MGAT5: variants seen among roughly 807,000 people sequenced by gnomAD.
MGAT5 encodes alpha-1,6-mannosylglycoprotein 6-beta-N-acetylglucosaminyltransferase A.
MGAT5 carries 30 observed loss-of-function variants against 94.3 expected under a neutral mutation model. That is an observed-to-expected ratio of 0.32 (90% CI 0.24 to 0.43). MGAT5 has a LOEUF of 0.43. Among genes scored for constraint, MGAT5 ranks in the 20% least tolerant of loss-of-function variants. The pLI, the probability that MGAT5 is intolerant of heterozygous loss-of-function variation, is 1.00. For synonymous variants in MGAT5, 310 were observed against 322.9 expected, an observed-to-expected ratio of 0.96 and a Z score of 0.43; for missense variants, 691 against 905.5, an observed-to-expected ratio of 0.76 and a Z score of 3.04.
At chr2:134,166,971 T>C (rs1043369431) in intron 1 of MGAT5, among the ~76,000 whole-genome samples, 1 of 152,256 alleles carries the variant, frequency 6.6e-6, no homozygotes, top group Non-Finnish European at 1.5e-5. Context: ...TTGATCTCTA[T>C]TAACTACAAA....
chr2:134,165,442 A>G (rs1406228447), intron 1 of MGAT5, among the ~76,000 whole-genome samples: 1 of 152,126 alleles, frequency 6.6e-6, no homozygotes, highest in East Asian at 1.9e-4. Flanking sequence ...AGTTTTTTTT[A>G]GAGGAAGATG....
chr2:134,377,985 T>C (rs1553457063), intron 10 of MGAT5, among the ~76,000 whole-genome samples: 1 of 152,282 alleles, frequency 6.6e-6, no homozygotes, highest in East Asian at 1.9e-4. Flanking sequence ...CCAGCCCTGC[T>C]TAGAAGGCCT....
At chr2:134,346,780 T>C (rs1326630443) in intron 8 of MGAT5, among the ~76,000 whole-genome samples, 1 of 152,186 alleles carries the variant, frequency 6.6e-6, no homozygotes, top group African/African-American at 2.4e-5. Flanking sequence ...AGTATTCTGC[T>C]AGGTACTGCA....
chr2:134,361,029 G>T (rs555989180), intron 9 of MGAT5, among the ~76,000 whole-genome samples: 1 of 152,216 alleles, frequency 6.6e-6, no homozygotes. Context: ...GTTCCCCTGC[G>T]TGCATGGCGG....
chr2:134,214,434 A>G (rs572505832), intron 1 of MGAT5, among the ~76,000 whole-genome samples: 55 of 152,286 alleles, frequency 3.6e-4, no homozygotes, highest in African/African-American at 1.3e-3. Flanking sequence ...CACATAAAAT[A>G]CACTAACGAT....
chr2:134,368,284 G>A (rs757676106), intron 10 of MGAT5, among the ~76,000 whole-genome samples: 25 of 152,324 alleles, frequency 1.6e-4, no homozygotes, highest in Non-Finnish European at 3.1e-4. Context: ...GCTGCCCACC[G>A]CAGGATCGCC....
At chr2:134,166,716 G>A (rs920126900) in intron 1 of MGAT5, among the ~76,000 whole-genome samples, 1 of 152,124 alleles carries the variant, frequency 6.6e-6, no homozygotes, top group African/African-American at 2.4e-5. Context: ...TATAAAAAAG[G>A]TTTTATTTAA....
intron 1 of MGAT5, among the ~76,000 whole-genome samples, chr2:134,172,469 C>T (rs1688259796): frequency 6.6e-6 from 1 of 152,094 alleles, no homozygotes. Context: ...TCACTGCAAG[C>T]TCCGCCTCCT....
intron 1 of MGAT5, among the ~76,000 whole-genome samples, chr2:134,231,000 G>T (rs766921029): frequency 6.6e-6 from 1 of 152,172 alleles, no homozygotes; most frequent in Non-Finnish European, 1.5e-5. Context: ...ATTGGACCTT[G>T]TGAAAGAAAG....
At chr2:134,155,145 C>T (rs1687416127) in intron 1 of MGAT5, among the ~76,000 whole-genome samples, 1 of 152,240 alleles carries the variant, frequency 6.6e-6, no homozygotes, top group African/African-American at 2.4e-5. Context: ...ACATGTGAAA[C>T]AGTCCCTAGG....
At position 134,341,236 on chromosome 2, in the gene MGAT5, G is replaced by A. The variant is rs1573860627; in HGVS notation, c.808-354G>A. ...GTGTTTGAAATTTTCCATGGTAAGAGGTTAGAAGTATTTTAGCTGTAGATA... is the reference window on the plus strand; with the variant it reads ...GTGTTTGAAATTTTCCATGGTAAGAAGTTAGAAGTATTTTAGCTGTAGATA... On this transcript the variant is annotated intron_variant, in intron 6 of 15. Coordinates refer to ENST00000281923, the MANE Select transcript of MGAT5 (RefSeq NM_002410.5). 2.6e-5 allele frequency among the ~76,000 whole-genome samples: 4 copies of A among 151,458 alleles called. No individual in the cohort carries two copies. The South Asian group carries it at 8.4e-4, about 32-fold the overall frequency.
intron 1 of MGAT5, among the ~76,000 whole-genome samples, chr2:134,129,759 G>A (rs977167342): frequency 1.3e-5 from 2 of 151,714 alleles, no homozygotes; most frequent in Non-Finnish European, 2.9e-5. Context: ...GTAATTGTGA[G>A]CCATCCTACT....
intron 10 of MGAT5, among the ~76,000 whole-genome samples, chr2:134,378,422 A>G (rs539892437): frequency 6.6e-6 from 1 of 152,252 alleles, no homozygotes; most frequent in Admixed American, 6.5e-5. Context: ...CAGGGGTAGA[A>G]GTGTCTATCA....
intron 2 of MGAT5, among the ~76,000 whole-genome samples, chr2:134,300,703 T>C (rs1425223965): frequency 2.0e-5 from 3 of 152,108 alleles, no homozygotes; most frequent in Admixed American, 2.0e-4. Flanking sequence ...AAATGTAATA[T>C]TGGAAGTCAC....
chr2:134,345,776 A>G (rs904996392), intron 8 of MGAT5, among the ~76,000 whole-genome samples: 1 of 152,196 alleles, frequency 6.6e-6, no homozygotes, highest in Non-Finnish European at 1.5e-5. Context: ...TACTTTTAAC[A>G]CATGCATTTT....
chr2:134,183,317 G>C (rs1163845519), intron 1 of MGAT5, among the ~76,000 whole-genome samples: 1 of 152,138 alleles, frequency 6.6e-6, no homozygotes, highest in Non-Finnish European at 1.5e-5. Context: ...CACTCGTTGG[G>C]CTTTAGAACT....
At chr2:134,366,945 C>T (rs1573931109) in intron 10 of MGAT5, among the ~76,000 whole-genome samples, 2 of 152,248 alleles carry the variant, frequency 1.3e-5, no homozygotes, top group African/African-American at 4.8e-5. Flanking sequence ...CTCATTCCTA[C>T]TTTGATATTT....
intron 10 of MGAT5, among the ~76,000 whole-genome samples, chr2:134,367,751 C>G (rs1361520978): frequency 6.6e-6 from 1 of 152,242 alleles, no homozygotes; most frequent in Non-Finnish European, 1.5e-5. Flanking sequence ...TGTAACTTAA[C>G]TGAAATCCTG....
chr2:134,149,399 GTGA>G (rs1687072950), intron 1 of MGAT5, among the ~76,000 whole-genome samples: 1 of 149,066 alleles, frequency 6.7e-6, no homozygotes, highest in African/African-American at 2.5e-5. Flanking sequence ...TAGCAAGCAT[GTGA>G]TAGAAAGCAA....
Sources: allele counts gnomAD v4.1 joint callset (sites outside exome capture counted in the v4.1 genomes callset), GRCh38; gene constraint gnomAD v4.1.1; transcripts MANE v1.5; gene names NCBI Gene and HGNC (gene_info 2026-07-23, HGNC 2026-07-21).